CSMD3: variants seen among roughly 807,000 people sequenced by gnomAD.
The protein encoded by CSMD3 is CUB and Sushi multiple domains 3, also known as CUB and sushi domain-containing protein 3.
CSMD3 carries 177 observed loss-of-function variants against 435.2 expected under a neutral mutation model. The observed-to-expected ratio is 0.41, with a 90% CI of 0.36 to 0.46. The LOEUF is 0.46. Among genes scored for constraint, CSMD3 ranks in the 20% least tolerant of loss-of-function variants. The probability of loss-of-function intolerance (pLI) is 0.34; values close to 1 mark genes in which losing one functional copy is unlikely to be tolerated. For missense variants in CSMD3, 4,265 were observed against 4,504.6 expected, an observed-to-expected ratio of 0.95 and a Z score of 1.52; for synonymous variants, 1,656 against 1,520.5, an observed-to-expected ratio of 1.09 and a Z score of -2.07.
At chr8:112,246,291 C>T (rs901194858) in intron 64 of CSMD3, among the ~76,000 whole-genome samples, 1 of 152,104 alleles carries the variant, frequency 6.6e-6, no homozygotes, top group African/African-American at 2.4e-5. Flanking sequence ...TTCAGCAAAT[C>T]CTAAAAGCTA....
chr8:113,436,604 C>T (rs2130147254), intron 1 of CSMD3, 73 bp downstream of exon 1: 1 of 1,355,308 alleles, frequency 7.4e-7, no homozygotes. Context: ...GCAAAGTAAG[C>T]TGCCAGCCTC....
intron 36 of CSMD3, among the ~76,000 whole-genome samples, chr8:112,387,709 GAA>G (rs1830096649): frequency 6.6e-6 from 1 of 152,086 alleles, no homozygotes; most frequent in Non-Finnish European, 1.5e-5. Flanking sequence ...CTTCCTCAGT[GAA>G]AGATTTTAGT....
chr8:112,831,734 T>G (rs929972167), intron 11 of CSMD3, among the ~76,000 whole-genome samples: 2 of 152,172 alleles, frequency 1.3e-5, no homozygotes, highest in Non-Finnish European at 2.9e-5. Context: ...TTGGTGATTC[T>G]GAAAACATTC....
chr8:112,585,847 C>T (rs949993373), intron 23 of CSMD3, among the ~76,000 whole-genome samples: 1 of 151,566 alleles, frequency 6.6e-6, no homozygotes, highest in Non-Finnish European at 1.5e-5. Flanking sequence ...AGCACTGCCT[C>T]AGTTCTATAT....
At chr8:112,923,222 T>C (rs567670351) in intron 9 of CSMD3, among the ~76,000 whole-genome samples, 2 of 152,244 alleles carry the variant, frequency 1.3e-5, no homozygotes, top group Admixed American at 6.6e-5. Flanking sequence ...TGTTCTTAAA[T>C]AGTATCCAGA....
chr8:112,278,848 A>T (rs368423282), intron 59 of CSMD3, among the ~76,000 whole-genome samples: 10 of 152,080 alleles, frequency 6.6e-5, no homozygotes, highest in African/African-American at 2.4e-4. Context: ...TTCAAACCTG[A>T]CTTAAGCCTG....
intron 23 of CSMD3, among the ~76,000 whole-genome samples, chr8:112,584,285 A>G (rs1194452557): frequency 6.6e-6 from 1 of 151,818 alleles, no homozygotes; most frequent in Non-Finnish European, 1.5e-5. Context: ...TCCCACATGT[A>G]GAGGAACTGA....
At chr8:112,997,017 T>C (rs2131048022) in intron 6 of CSMD3, among the ~76,000 whole-genome samples, 1 of 151,696 alleles carries the variant, frequency 6.6e-6, no homozygotes, top group Non-Finnish European at 1.5e-5. Flanking sequence ...TAGAGACTTT[T>C]CAGGGTACTG....
intron 1 of CSMD3, among the ~76,000 whole-genome samples, chr8:113,425,534 A>T (rs1341415677): frequency 6.6e-6 from 1 of 151,398 alleles, no homozygotes; most frequent in Non-Finnish European, 1.5e-5. Flanking sequence ...TTGGCAATAT[A>T]TAAAAAATAA....
rs1030243614 is a variant in CSMD3 at position 113,314,378 on chromosome 8, G to A, written c.401+193C>T. 12 of 583,970 alleles carry A rather than the reference G, an allele frequency of 2.1e-5. No individual in the cohort carries two copies. The South Asian group carries it at 2.2e-4, about 11-fold the overall frequency. 36.2% of individuals were successfully genotyped at this position (583,970 alleles called of 1,614,324 possible). A position where few individuals can be genotyped will look rare whatever the true frequency, so the allele number is the denominator to read the frequency against. On this transcript the variant is annotated intron_variant, in intron 2 of 70. Coordinates refer to ENST00000297405, the MANE Select transcript of CSMD3 (RefSeq NM_198123.2). ...CACCTTTGTGAGACATAGTATTAAT[G>A]TACTAGCAATATGACATCAGAGACA...
chr8:112,310,304 C>A (rs1299074852), intron 50 of CSMD3: 1 of 152,660 alleles, frequency 6.6e-6, no homozygotes, highest in African/African-American at 2.4e-5. Flanking sequence ...ACTGCAACCT[C>A]CGCCTCCCGG....
At chr8:113,249,668 G>T (rs148535099) in intron 3 of CSMD3, among the ~76,000 whole-genome samples, 207 of 152,056 alleles carry the variant, frequency 1.4e-3, no homozygotes, top group African/African-American at 4.6e-3. Flanking sequence ...AGCATAAAAA[G>T]AAATTCGACT....
chr8:112,510,536 T>C lies in CSMD3; in HGVS notation c.4757-3707A>G, dbSNP rs543073571. Among the ~76,000 whole-genome samples the C allele has an allele frequency of 1.4e-4, 22 of 152,332 alleles. No individual in the cohort carries two copies. In the Middle Eastern group the frequency reaches 0.01, roughly 71 times the overall value. On this transcript the variant is annotated intron_variant, in intron 28 of 70. Coordinates refer to ENST00000297405, the MANE Select transcript of CSMD3 (RefSeq NM_198123.2). ...TCACTGCCTCCAGGAAGTTTTCCTG[T>C]AGACCCCAGAATGGGCACTACTTCA...
chr8:112,708,159 T>A (rs2076537690), intron 13 of CSMD3, among the ~76,000 whole-genome samples: 1 of 151,994 alleles, frequency 6.6e-6, no homozygotes, highest in South Asian at 2.1e-4. Flanking sequence ...AGGAGACTGA[T>A]TCAAGGAAGT....
chr8:113,223,762 ATGTG>A (rs373938091), intron 3 of CSMD3, among the ~76,000 whole-genome samples: 4 of 95,312 alleles, frequency 4.2e-5, no homozygotes, highest in Non-Finnish European at 7.3e-5. Flanking sequence ...ATGTGTGTGT[ATGTG>A]TGTGTGTGTG....
intron 27 of CSMD3, among the ~76,000 whole-genome samples, chr8:112,518,271 CA>C (rs1176698042): frequency 2.0e-5 from 3 of 151,648 alleles, no homozygotes; most frequent in Non-Finnish European, 4.4e-5. Flanking sequence ...GACATCAAGG[CA>C]AGAGGATTTC....
At chr8:112,263,357 A>G (rs1219451012) in intron 61 of CSMD3, among the ~76,000 whole-genome samples, 2 of 152,156 alleles carry the variant, frequency 1.3e-5, no homozygotes, top group Non-Finnish European at 2.9e-5. Context: ...GACATAAATA[A>G]AAATAATTTT....
In CSMD3 at chr8:112,525,796, GTA is replaced by G. The variant is rs563394357; in HGVS notation, c.4565-8573_4565-8572del. Among the ~76,000 whole-genome samples, 44 of 116,104 alleles carry G rather than the reference GTA, an allele frequency of 3.8e-4. No homozygotes were observed. The South Asian group carries it at 0.011, about 28-fold the overall frequency. 76.2% of individuals were successfully genotyped at this position (116,104 alleles called of 152,430 possible). A position where few individuals can be genotyped will look rare whatever the true frequency, so the allele number is the denominator to read the frequency against. On this transcript the variant is annotated intron_variant, in intron 27 of 70. Transcript: ENST00000297405. ...TTTATATGTGTGTGTATATATATAT[GTA>G]TATATATATATACACACACATATAA...
At chr8:112,523,279 A>G (rs1269086592) in intron 27 of CSMD3, among the ~76,000 whole-genome samples, 1 of 151,906 alleles carries the variant, frequency 6.6e-6, no homozygotes, top group Non-Finnish European at 1.5e-5. Context: ...TATCTGTAAA[A>G]CTGGCCTAGG....
Sources: allele counts gnomAD v4.1 joint callset (sites outside exome capture counted in the v4.1 genomes callset), GRCh38; gene constraint gnomAD v4.1.1; transcripts MANE v1.5; gene names NCBI Gene and HGNC (gene_info 2026-07-23, HGNC 2026-07-21).